Variants in CEP120 observed in about 807,000 individuals in gnomAD.
CEP120 encodes the protein centrosomal protein of 120 kDa.
Under a neutral mutation model 126.5 loss-of-function variants are expected in CEP120, and 113 were observed. The ratio of observed to expected loss-of-function variants is 0.89; its 90% CI spans 0.77 to 1.04. CEP120 has a LOEUF of 1.04. Ranked by LOEUF, CEP120 falls within the 50% of genes least tolerant of loss-of-function variation. CEP120 has a pLI of 0.00. For synonymous variants in CEP120, 400 were observed against 394.3 expected (o/e 1.01, Z -0.17); for missense variants, 1,230 against 1,155.7 (o/e 1.06, Z -0.93).
intron 16 of CEP120, 129 bp downstream of exon 16, chr5:123,377,245 T>C: frequency 1.2e-6 from 1 of 802,120 alleles, no homozygotes; most frequent in Non-Finnish European, 2.0e-6. Context: ...TGAATCTCAG[T>C]GCAATAATAT....
At chr5:123,376,913 G>T (rs1246296802) in intron 16 of CEP120, among the ~76,000 whole-genome samples, 1 of 152,086 alleles carries the variant, frequency 6.6e-6, no homozygotes, top group East Asian at 1.9e-4. Context: ...CCTGAGGGTG[G>T]CCAGAAAGGT....
intron 5 of CEP120, among the ~76,000 whole-genome samples, chr5:123,396,233 G>A (rs915722240): frequency 1.3e-5 from 2 of 151,898 alleles, no homozygotes; most frequent in African/African-American, 4.8e-5. Flanking sequence ...TCACCTTTTG[G>A]CTATCATGTA....
At chr5:123,361,222 G>A (rs1770054985) in intron 18 of CEP120, among the ~76,000 whole-genome samples, 2 of 151,794 alleles carry the variant, frequency 1.3e-5, no homozygotes, top group Non-Finnish European at 2.9e-5. Flanking sequence ...ATCCAGTAGT[G>A]TTATTTGAAT....
At chr5:123,373,556 T>C (rs1449623862) in intron 16 of CEP120, among the ~76,000 whole-genome samples, 1 of 152,102 alleles carries the variant, frequency 6.6e-6, no homozygotes, top group African/African-American at 2.4e-5. Context: ...AGACTTTTAC[T>C]AGACTACTTT....
chr5:123,395,654 G>A (rs1772728135), intron 5 of CEP120, among the ~76,000 whole-genome samples: 1 of 147,026 alleles, frequency 6.8e-6, no homozygotes, highest in Admixed American at 6.8e-5. Flanking sequence ...ATTCCTTTAT[G>A]TTGTGGCATG....
chr5:123,354,913 C>A (rs1230102726), intron 18 of CEP120, among the ~76,000 whole-genome samples: 1 of 151,836 alleles, frequency 6.6e-6, no homozygotes, highest in Non-Finnish European at 1.5e-5. Context: ...TTAGGTATAT[C>A]TCCTAATGCT....
At chr5:123,420,854 T>C (rs1400723542) in intron 1 of CEP120, among the ~76,000 whole-genome samples, 1 of 152,210 alleles carries the variant, frequency 6.6e-6, no homozygotes, top group African/African-American at 2.4e-5. Flanking sequence ...AAATCAATTA[T>C]ACTTGATGAC....
rs1769101684 is a variant in CEP120 at position 123,350,044 on chromosome 5, CT to C, written c.2625del (p.Glu876AsnfsTer5). The C allele has an allele frequency of 1.2e-6, 2 of 1,613,034 alleles. No homozygotes were observed. Among genetic ancestry groups the C allele is most frequent in the Non-Finnish European group, 1.7e-6 (2 of 1,179,720 alleles). On this transcript the variant is annotated frameshift_variant, in exon 19 of 20. Coordinates refer to ENST00000306467, the MANE Select transcript of CEP120 (RefSeq NM_001375405.1). LOFTEE classifies it high-confidence loss of function. ...TAACGTAGTCTCATCTGTTCCAATT[CT>C]TCCTGCTGTTTTTTAAGACGAGCCA... ...SQMARLKKQQEELEQMRLRYL... is the reference protein window; with the variant it reads ...SQMARLKKQQXELEQMRLRYL...
At chr5:123,416,182 C>A in intron 2 of CEP120, 58 bp from the exon 3 acceptor site, 1 of 946,074 alleles carries the variant, frequency 1.1e-6, no homozygotes, top group South Asian at 1.5e-5. Flanking sequence ...TTCTATTGGC[C>A]TTGAAAATAT....
rs1479083396 is a variant in CEP120, at chr5:123,388,577, G to T, written c.1285C>A (p.Gln429Lys). 13 of 1,594,640 alleles carry T rather than the reference G, an allele frequency of 8.2e-6. No homozygotes were observed. Among genetic ancestry groups the T allele is most frequent in the Non-Finnish European group, 1.0e-5 (12 of 1,173,400 alleles). The stretch of plus-strand genomic sequence containing the variant: ...GAAGCATTGGATGTAGTCACTAGCT[G>T]GGCCAGTGAAGCAGGTACAGAAGAA... ...ASSSVPASLA[Q>K]LVTTSNASEV... is the part of the protein sequence containing the mutation. The change falls in exon 9 of 20, where the codon CAG (glutamine) becomes AAG (lysine). Residue 429 changes from glutamine (Q) to lysine (K), a missense_variant. Gln to Lys is a moderately conservative substitution (Grantham distance 53, BLOSUM62 1). Transcript: ENST00000306467.
At chr5:123,356,495 G>C (rs1460611340) in intron 18 of CEP120, among the ~76,000 whole-genome samples, 1 of 151,932 alleles carries the variant, frequency 6.6e-6, no homozygotes, top group Non-Finnish European at 1.5e-5. Flanking sequence ...TGTCTTTAAT[G>C]GGAGCATTTG....
intron 4 of CEP120, chr5:123,401,236 G>T: frequency 6.2e-7 from 1 of 1,612,506 alleles, no homozygotes; most frequent in Non-Finnish European, 8.5e-7. Flanking sequence ...TCACGCAGCT[G>T]CCACGCCATG....
chr5:123,375,274 T>A (rs1771132500), intron 16 of CEP120, among the ~76,000 whole-genome samples: 1 of 152,114 alleles, frequency 6.6e-6, no homozygotes, highest in Non-Finnish European at 1.5e-5. Flanking sequence ...CCAAAGTTAG[T>A]TATTCCTACA....
chr5:123,377,404 G>C lies in CEP120; in HGVS notation c.2328C>G (p.Leu776=), dbSNP rs765937425. The C allele has an allele frequency of 3.1e-6, 5 of 1,610,028 alleles. No homozygotes were observed. The South Asian group carries it at 4.4e-5, about 14-fold the overall frequency. The change falls in exon 16 of 20, where the codon CTC becomes CTG. Residue 776 remains leucine, a synonymous_variant. Coordinates refer to ENST00000306467, the MANE Select transcript of CEP120 (RefSeq NM_001375405.1). ...VELERLKIKQ[L]EEDKHRLQQQ... is the part of the protein sequence containing the mutation. ...GCTGAAGGCGGTGTTTATCCTCTTC[G>C]AGCTGTTTGATTTTTAACCTTTCTA...
chr5:123,373,338 G>A (rs190726150), intron 16 of CEP120, among the ~76,000 whole-genome samples: 1 of 151,862 alleles, frequency 6.6e-6, no homozygotes. Context: ...AAACAAAGAA[G>A]GAAAAAGAAA....
At chr5:123,374,205 ATAGG>A (rs943154770) in intron 16 of CEP120, among the ~76,000 whole-genome samples, 2 of 152,038 alleles carry the variant, frequency 1.3e-5, no homozygotes, top group Non-Finnish European at 2.9e-5. Flanking sequence ...CTTCATACTA[ATAGG>A]TAAAAACAAC....
At chr5:123,386,141 A>AT in intron 10 of CEP120, among the ~76,000 whole-genome samples, 3 of 152,164 alleles carry the variant, frequency 2.0e-5, no homozygotes, top group Middle Eastern at 6.8e-3. Flanking sequence ...GAAAAAGCAA[A>AT]TTTTTTCATT....
chr5:123,400,659 CTTT>C (rs34109692), intron 4 of CEP120, among the ~76,000 whole-genome samples: 2 of 88,972 alleles, frequency 2.2e-5, no homozygotes, highest in Non-Finnish European at 4.1e-5. Context: ...ATATATATGG[CTTT>C]TTTTTTTTTT....
intron 1 of CEP120, chr5:123,422,328 G>C (rs1303380520): frequency 6.6e-6 from 4 of 610,430 alleles, no homozygotes; most frequent in African/African-American, 5.6e-5. Context: ...TCCACATCCT[G>C]ATGAATTATT....
Sources: gnomAD v4.1 joint callset for allele counts (sites outside exome capture counted in the v4.1 genomes callset) on GRCh38, gnomAD v4.1.1 for gene constraint, MANE v1.5 for transcripts, NCBI Gene and HGNC (gene_info 2026-07-23, HGNC 2026-07-21) for gene names.